Variants in MEGF6 observed in about 807,000 individuals in gnomAD.
MEGF6 encodes the protein multiple EGF like domains 6, also known as multiple epidermal growth factor-like domains protein 6.
Under a neutral mutation model 207.1 loss-of-function variants are expected in MEGF6, and 184 were observed. The ratio of observed to expected loss-of-function variants is 0.89; its 90% CI spans 0.79 to 1.00. MEGF6 has a LOEUF of 1.00. Ranked by LOEUF, MEGF6 falls within the 50% of genes least tolerant of loss-of-function variation. MEGF6 has a pLI of 0.00. For missense variants in MEGF6, 2,282 were observed against 2,202.9 expected (o/e 1.04, Z -0.72); for synonymous variants, 1,038 against 910.0 (o/e 1.14, Z -2.53).
chr1:3,490,947 CG>C lies in MEGF6; in HGVS notation c.4528del (p.Arg1510GlyfsTer8). Reference protein sequence around the residue: ...GPTCREGGPLRLPENPSLAQG... With the variant: ...GPTCREGGPLXLPENPSLAQG... ...GGCTAAGGACGGGTTCTCGGGGAGC[CG>C]GAGGGGCCCACCTGGAGGGGAGAGA... On this transcript the variant is annotated frameshift_variant, in exon 36 of 37. Transcript: ENST00000356575. LOFTEE classifies it low-confidence loss of function (END_TRUNC). 6.2e-7 allele frequency: 1 copy of C among 1,601,110 alleles called. No individual in the cohort carries two copies. The highest frequency in any genetic ancestry group is 8.5e-7 in the Non-Finnish European group (1 of 1,176,016).
chr1:3,563,994 C>T (rs1241591824), intron 4 of MEGF6, among the ~76,000 whole-genome samples: 4 of 152,160 alleles, frequency 2.6e-5, no homozygotes, highest in Admixed American at 6.5e-5. Context: ...AGCAACTGCT[C>T]GTTGTAAGGG....
At chr1:3,561,235 G>A (rs916353659) in intron 4 of MEGF6, among the ~76,000 whole-genome samples, 8 of 152,142 alleles carry the variant, frequency 5.3e-5, no homozygotes, top group Admixed American at 4.6e-4. Flanking sequence ...GCCCCTCCAC[G>A]CTCAGCTGAG....
chr1:3,563,900 C>A (rs931375872), intron 4 of MEGF6, among the ~76,000 whole-genome samples: 2 of 152,226 alleles, frequency 1.3e-5, no homozygotes, highest in South Asian at 4.1e-4. Context: ...CCAGAGCCTG[C>A]CCCTTCCCAA....
intron 13 of MEGF6, 66 bp from the exon 14 acceptor site, chr1:3,507,989 G>T: frequency 6.4e-7 from 1 of 1,556,996 alleles, no homozygotes; most frequent in Non-Finnish European, 8.7e-7. Flanking sequence ...CCCCTTCCTA[G>T]GGTTGGAGGC....
At chr1:3,549,801 G>A (rs1461877967) in intron 4 of MEGF6, among the ~76,000 whole-genome samples, 4 of 152,344 alleles carry the variant, frequency 2.6e-5, no homozygotes, top group African/African-American at 4.8e-5. Flanking sequence ...GGTGAGTCTT[G>A]AGCAGGGGCC....
chr1:3,498,528 G>T (rs201737044), intron 25 of MEGF6, 29 bp from the exon 26 acceptor site: 6 of 1,540,946 alleles, frequency 3.9e-6, no homozygotes, highest in Admixed American at 1.9e-5. Flanking sequence ...GCACGAGGGT[G>T]AGGGTCCTGC....
At chr1:3,615,623 G>A (rs958304860), upstream of MEGF6, among the ~76,000 whole-genome samples, 1 of 152,246 alleles carries the variant, frequency 6.6e-6, no homozygotes, top group South Asian at 2.1e-4. Flanking sequence ...GAAGCAGGCC[G>A]AATGGAGGTC....
chr1:3,537,261 G>A, intron 4 of MEGF6, among the ~76,000 whole-genome samples: 1 of 152,246 alleles, frequency 6.6e-6, no homozygotes, highest in South Asian at 2.1e-4. Context: ...GGCCCCTGGG[G>A]ATGGCATCAC....
At chr1:3,583,103 G>A (rs550379082) in intron 3 of MEGF6, among the ~76,000 whole-genome samples, 5 of 152,328 alleles carry the variant, frequency 3.3e-5, no homozygotes, top group South Asian at 4.1e-4. Context: ...GCAAGGGGAC[G>A]GAGGAGGAGG....
rs182299714 is a variant in MEGF6, at chr1:3,584,472, C to T, written c.377-4543G>A. Among the ~76,000 whole-genome samples, 801 of 152,346 alleles carry T rather than the reference C, an allele frequency of 5.3e-3. 8 individuals are homozygous for T. Among genetic ancestry groups the T allele is most frequent in the Middle Eastern group, 0.014 (4 of 294 alleles). ...ATCAAGCCTTCCTCTCCTCCTTCCT[C>T]GCCCACCACCCTGGCTCTCCAAAGG... On this transcript the variant is annotated intron_variant, in intron 3 of 36. Transcript: ENST00000356575.
Position 3,565,271 on chromosome 1 carries a change from G to T in MEGF6, c.481+14554C>A, listed in dbSNP as rs1249308292. Among the ~76,000 whole-genome samples, 1 of 151,310 alleles carries T rather than the reference G, an allele frequency of 6.6e-6. No individual in the cohort carries two copies. The highest frequency in any genetic ancestry group is 1.5e-5 in the Non-Finnish European group (1 of 67,952). On this transcript the variant is annotated intron_variant, in intron 4 of 36. Coordinates refer to ENST00000356575, the MANE Select transcript of MEGF6 (RefSeq NM_001409.4). The surrounding 1 kb of genome is among the most constrained non-coding windows in gnomAD (Gnocchi z 4.8). ...GTTTATCAGACATGGCACCGAGATG[G>T]CATCAGCAGTGGGTGAGAAACACAC...
At position 3,530,774 on chromosome 1, in the gene MEGF6, C is replaced by A. The variant is rs539130218; in HGVS notation, c.482-6528G>T. Among the ~76,000 whole-genome samples the A allele has an allele frequency of 2.6e-5, 4 of 152,340 alleles. No individual in the cohort carries two copies. The South Asian group carries it at 8.3e-4, about 32-fold the overall frequency. ...CACTTGACCCGCAGAGTCGCCAGTG[C>A]CATGGGGAGCGGGGAACCCTGCTCC... On this transcript the variant is annotated intron_variant, in intron 4 of 36. Transcript: ENST00000356575.
rs1209978826 is a variant in MEGF6 at position 3,565,282 on chromosome 1, G to A, written c.481+14543C>T. Among the ~76,000 whole-genome samples, 1 of 151,752 alleles carries A rather than the reference G, an allele frequency of 6.6e-6. No homozygotes were observed. On this transcript the variant is annotated intron_variant, in intron 4 of 36. Transcript: ENST00000356575. This position sits in a 1 kb window ranked among gnomAD's most constrained non-coding sequence, Gnocchi z 4.8. ...ATGGCACCGAGATGGCATCAGCAGT[G>A]GGTGAGAAACACACGTGCAGAGCCC... is the stretch of plus-strand genomic sequence containing the variant.
intron 4 of MEGF6, among the ~76,000 whole-genome samples, chr1:3,548,083 T>C (rs1304239976): frequency 6.6e-6 from 1 of 152,026 alleles, no homozygotes; most frequent in Non-Finnish European, 1.5e-5. Context: ...CCCAGCTGCA[T>C]GGGGATCGGA....
Position 3,512,069 on chromosome 1 carries a change from C to T in MEGF6, c.913G>A (p.Gly305Arg), listed in dbSNP as rs374999521. The T allele has an allele frequency of 6.2e-7, 1 of 1,612,674 alleles. No homozygotes were observed. The highest frequency in any genetic ancestry group is 1.3e-5 in the African/African-American group (1 of 75,064). The change falls in exon 8 of 37, where the codon GGG (glycine) becomes AGG (arginine). Residue 305 changes from glycine (G) to arginine (R), a missense_variant. By Grantham distance (125) the Gly-to-Arg change is moderately radical (BLOSUM62 -2). Transcript: ENST00000356575. Reference sequence around the variant, plus strand: ...GCGTGACACACGCACTTGAAGGACCCCTGGGTGTTGAGGCAGCCATGGGCA... The same window carrying T: ...GCGTGACACACGCACTTGAAGGACCTCTGGGTGTTGAGGCAGCCATGGGCA... ...QCAHGCLNTQ[G>R]SFKCVCHAGY...
At chr1:3,531,370 C>T (rs1261462477) in intron 4 of MEGF6, 9 of 1,181,556 alleles carry the variant, frequency 7.6e-6, no homozygotes, top group Non-Finnish European at 9.4e-6. Context: ...GCAATCCCAG[C>T]CCCGGGATCC....
At chr1:3,601,038 T>A (rs1179269414) in intron 2 of MEGF6, among the ~76,000 whole-genome samples, 1 of 151,876 alleles carries the variant, frequency 6.6e-6, no homozygotes, top group African/African-American at 2.4e-5. Flanking sequence ...TGCCCCCCCC[T>A]CCAAGCAGGG....
chr1:3,621,155 C>T, the MEGF6 span, among the ~76,000 whole-genome samples: 81 of 152,304 alleles, frequency 5.3e-4, no homozygotes, highest in Non-Finnish European at 1.1e-3. Flanking sequence ...TAATGTCAGG[C>T]CCTCCACAAG....
chr1:3,612,660 T>C (rs562374590), upstream of MEGF6, among the ~76,000 whole-genome samples: 3 of 152,256 alleles, frequency 2.0e-5, no homozygotes, highest in African/African-American at 4.8e-5. Flanking sequence ...CCAGGCCCTG[T>C]TCCTTGGAAC....
Sources: gnomAD v4.1 joint callset for allele counts (sites outside exome capture counted in the v4.1 genomes callset) on GRCh38, gnomAD v4.1.1 for gene constraint, Gnocchi (gnomAD v3.1) non-coding constraint, MANE v1.5 for transcripts, NCBI Gene and HGNC (gene_info 2026-07-23, HGNC 2026-07-21) for gene names.